The following PLOD2 variants were observed in gnomAD, a reference collection of about 807,000 sequenced individuals.
PLOD2 encodes procollagen-lysine,2-oxoglutarate 5-dioxygenase 2.
In PLOD2, 65 loss-of-function variants were observed where a neutral mutation model predicts 101.0. The ratio of observed to expected loss-of-function variants is 0.64; its 90% CI spans 0.53 to 0.79. The LOEUF (loss-of-function observed/expected upper bound fraction) is 0.79. PLOD2 is among the 30% of genes least tolerant of loss of function. The pLI is 0.00. For synonymous variants in PLOD2, 314 were observed against 302.9 expected (o/e 1.04, Z -0.38); for missense variants, 909 against 914.6 (o/e 0.99, Z 0.08).
intron 4 of PLOD2, among the ~76,000 whole-genome samples, chr3:146,108,179 C>CT (rs1937569299): frequency 6.6e-6 from 1 of 151,750 alleles, no homozygotes; most frequent in African/African-American, 2.4e-5. Context: ...ATTAAAAACT[C>CT]TTTTTGTTGT....
At chr3:146,125,883 T>A (rs1242341743) in intron 1 of PLOD2, among the ~76,000 whole-genome samples, 1 of 152,246 alleles carries the variant, frequency 6.6e-6, no homozygotes, top group Non-Finnish European at 1.5e-5. Context: ...TTTTATTTTA[T>A]AAGAACAAAG....
intron 1 of PLOD2, among the ~76,000 whole-genome samples, chr3:146,136,794 T>C (rs1335080827): frequency 6.6e-6 from 1 of 152,204 alleles, no homozygotes; most frequent in Non-Finnish European, 1.5e-5. Context: ...GAAACAGTAG[T>C]GTAAACTATA....
intron 1 of PLOD2, among the ~76,000 whole-genome samples, chr3:146,144,581 A>G (rs1452243993): frequency 2.0e-5 from 3 of 152,114 alleles, no homozygotes; most frequent in Non-Finnish European, 2.9e-5. Context: ...CTTATTTTCA[A>G]TAATACCCTT....
chr3:146,099,706 A>G (rs879904903), intron 7 of PLOD2, among the ~76,000 whole-genome samples: 4 of 151,886 alleles, frequency 2.6e-5, no homozygotes, highest in African/African-American at 4.8e-5. Flanking sequence ...TTTGATTAAA[A>G]TATTATATTA....
intron 15 of PLOD2, 105 bp from the exon 16 acceptor site, chr3:146,073,457 T>C (rs1936223404): frequency 4.3e-6 from 2 of 463,324 alleles, no homozygotes; most frequent in Non-Finnish European, 7.9e-6. Flanking sequence ...AATGATTATG[T>C]ATAGTGGACA....
At chr3:146,078,558 G>A (rs1042170491) in intron 13 of PLOD2, among the ~76,000 whole-genome samples, 12 of 151,814 alleles carry the variant, frequency 7.9e-5, no homozygotes, top group African/African-American at 2.9e-4. Context: ...AAGTACATTT[G>A]TAGTGCAGCA....
chr3:146,079,307 T>C, intron 12 of PLOD2, 50 bp from the exon 13 acceptor site: 1 of 1,426,230 alleles, frequency 7.0e-7, no homozygotes, highest in South Asian at 1.2e-5. Context: ...CAAACAATTT[T>C]AAGTTTCATT....
In PLOD2 at chr3:146,135,337, A is replaced by C. The variant is rs549388465; in HGVS notation, c.110-11108T>G. On this transcript the variant is annotated intron_variant, in intron 1 of 19. Coordinates refer to ENST00000282903, the MANE Select transcript of PLOD2 (RefSeq NM_182943.3). ...ATATTATGTATTTTCAGTACATAAA[A>C]TTAAATGATGATTTGATGAAGACAA... 7.2e-5 allele frequency among the ~76,000 whole-genome samples: 11 copies of C among 152,326 alleles called. No homozygotes were observed. In the South Asian group the frequency reaches 2.3e-3, roughly 32 times the overall value.
chr3:146,105,656 A>T (rs1347552613), intron 5 of PLOD2, among the ~76,000 whole-genome samples: 1 of 152,228 alleles, frequency 6.6e-6, no homozygotes, highest in African/African-American at 2.4e-5. Context: ...CCAATTAAAC[A>T]CATAAAGTCT....
At chr3:146,129,915 G>A (rs2030806253) in intron 1 of PLOD2, among the ~76,000 whole-genome samples, 1 of 152,062 alleles carries the variant, frequency 6.6e-6, no homozygotes, top group Non-Finnish European at 1.5e-5. Context: ...TCGTCTCTTA[G>A]GCCAACTTTG....
chr3:146,070,951 A>G, intron 19 of PLOD2, 79 bp from the exon 20 acceptor site: 1 of 1,518,570 alleles, frequency 6.6e-7, no homozygotes, highest in East Asian at 2.3e-5. Context: ...TTTGAGCAAA[A>G]TTTAAAAAAG....
chr3:146,145,063 C>T (rs2031713679), intron 1 of PLOD2, among the ~76,000 whole-genome samples: 1 of 152,106 alleles, frequency 6.6e-6, no homozygotes, highest in African/African-American at 2.4e-5. Flanking sequence ...GGTGCTTCAA[C>T]ATTTCTTATA....
Position 146,070,677 on chromosome 3 carries a change from T to G in PLOD2, c.*40A>C. The stretch of plus-strand genomic sequence containing the variant: ...TCAAAGACGTGTTCATGCCAGTCAT[T>G]CATCCAAAATAAATTTCAATTCAAT... On this transcript the variant is annotated 3_prime_UTR_variant, in exon 20 of 20. Coordinates refer to ENST00000282903, the MANE Select transcript of PLOD2 (RefSeq NM_182943.3). 7.2e-7 allele frequency: 1 copy of G among 1,386,374 alleles called. No homozygotes were observed. Among genetic ancestry groups the G allele is most frequent in the Non-Finnish European group, 1.0e-6 (1 of 976,720 alleles). The allele number at this position is 1,386,374 out of a possible 1,614,324, so 85.9% of individuals were successfully genotyped here.
chr3:146,155,489 G>A (rs369094287), intron 1 of PLOD2, among the ~76,000 whole-genome samples: 9 of 151,858 alleles, frequency 5.9e-5, no homozygotes, highest in African/African-American at 1.9e-4. Flanking sequence ...GAGGGGGTTG[G>A]ATCACGAGGT....
intron 3 of PLOD2, among the ~76,000 whole-genome samples, chr3:146,112,586 C>T (rs535818910): frequency 1.2e-4 from 19 of 152,122 alleles, no homozygotes; most frequent in Non-Finnish European, 1.5e-4. Context: ...GGCACAGTGG[C>T]TCATGCCTGC....
At chr3:146,155,689 T>C (rs1322531597) in intron 1 of PLOD2, among the ~76,000 whole-genome samples, 2 of 132,958 alleles carry the variant, frequency 1.5e-5, no homozygotes, top group Admixed American at 1.7e-4. Context: ...CACTCCAGCC[T>C]GGGCGACAGA....
intron 1 of PLOD2, among the ~76,000 whole-genome samples, chr3:146,142,370 G>A (rs980667378): frequency 1.3e-5 from 2 of 151,998 alleles, no homozygotes; most frequent in Admixed American, 6.6e-5. Flanking sequence ...CCATCCAGCT[G>A]TATGAATCTA....
chr3:146,146,140 G>A (rs565083465), intron 1 of PLOD2, among the ~76,000 whole-genome samples: 71 of 152,142 alleles, frequency 4.7e-4, no homozygotes, highest in South Asian at 8.3e-4. Flanking sequence ...TTATAATAGA[G>A]CTCCACGTTA....
intron 4 of PLOD2, among the ~76,000 whole-genome samples, 184 bp from the exon 5 acceptor site, chr3:146,106,828 C>T (rs925919059): frequency 1.2e-4 from 19 of 152,144 alleles, no homozygotes; most frequent in African/African-American, 4.6e-4. Flanking sequence ...TATATATAAA[C>T]TCCAATAGAG....
Sources: allele counts gnomAD v4.1 joint callset (sites outside exome capture counted in the v4.1 genomes callset), GRCh38; gene constraint gnomAD v4.1.1; transcripts MANE v1.5; gene names NCBI Gene and HGNC (gene_info 2026-07-23, HGNC 2026-07-21).